Variants in PIWIL3 observed in about 807,000 individuals in gnomAD.
PIWIL3 encodes piwi-like protein 3.
A neutral mutation model predicts 109.7 loss-of-function variants in PIWIL3; 101 were observed. The observed-to-expected ratio is 0.92, with a 90% CI of 0.78 to 1.09. PIWIL3 has a LOEUF of 1.09. Ranked by LOEUF, PIWIL3 falls within the 50% of genes least tolerant of loss-of-function variation. The pLI is 0.00. For missense variants in PIWIL3, 1,031 were observed against 1,072.6 expected (o/e 0.96, Z 0.54); for synonymous variants, 373 against 376.4 (o/e 0.99, Z 0.10).
chr22:24,719,096 A>G lies in PIWIL3; in HGVS notation c.*376T>C, dbSNP rs1005337994. 6.5e-6 allele frequency: 1 copy of G among 154,444 alleles called. No individual in the cohort carries two copies. The highest frequency in any genetic ancestry group is 1.4e-5 in the Non-Finnish European group (1 of 69,592). 9.6% of individuals were successfully genotyped at this position (154,444 alleles called of 1,614,324 possible). A position where few individuals can be genotyped will look rare whatever the true frequency, so the allele number is the denominator to read the frequency against. On this transcript the variant is annotated 3_prime_UTR_variant, in exon 21 of 21. Coordinates refer to ENST00000616349, the MANE Select transcript of PIWIL3 (RefSeq NM_001255975.1). ...TAACAAAAAAAAGTTTCAAAAATAA[A>G]GTAAACGTAGTTTTCCAAGTAGAGT...
chr22:24,747,511 C>A (rs1205095969), intron 12 of PIWIL3, among the ~76,000 whole-genome samples: 2 of 152,114 alleles, frequency 1.3e-5, no homozygotes, highest in Non-Finnish European at 2.9e-5. Flanking sequence ...AGTAGAGCAA[C>A]AACTCACAGA....
At position 24,728,329 on chromosome 22, in the gene PIWIL3, T is replaced by C. The variant is rs1175038149; in HGVS notation, c.1753A>G (p.Ile585Val). Reference sequence around the variant, plus strand: ...CATTTGGTACATAGGTATCTTTTTATGCTGTCATATCTACGTTTGTCATCA... The same window carrying C: ...CATTTGGTACATAGGTATCTTTTTACGCTGTCATATCTACGTTTGTCATCA... The part of the protein sequence containing the change: ...PNDDKRRYDS[I>V]KRYLCTKCPI... Residue 585 changes from isoleucine (I) to valine (V), a missense_variant, in exon 15 of 21, where the codon ATA becomes GTA. Transcript: ENST00000616349. The C allele has an allele frequency of 1.2e-6, 2 of 1,614,212 alleles. No homozygotes were observed. The highest frequency in any genetic ancestry group is 1.7e-6 in the Non-Finnish European group (2 of 1,180,042).
chr22:24,774,117 A>G (rs1368319103), intron 1 of PIWIL3, among the ~76,000 whole-genome samples: 2 of 152,170 alleles, frequency 1.3e-5, no homozygotes, highest in East Asian at 3.8e-4. Context: ...ACCGCATTTT[A>G]AAACTTTTTT....
intron 1 of PIWIL3, among the ~76,000 whole-genome samples, chr22:24,768,669 C>T (rs140397487): frequency 2.1e-3 from 316 of 152,324 alleles, no homozygotes; most frequent in African/African-American, 7.4e-3. Context: ...CAAAGCCTCA[C>T]TGTCCTGCCA....
chr22:24,764,184 G>A (rs1925643048), intron 1 of PIWIL3, among the ~76,000 whole-genome samples: 1 of 152,252 alleles, frequency 6.6e-6, no homozygotes, highest in Non-Finnish European at 1.5e-5. Context: ...TTCTGGCGCC[G>A]CCTCCGTCCG....
intron 12 of PIWIL3, among the ~76,000 whole-genome samples, chr22:24,744,177 TTAAAAAAA>T (rs1208676741): frequency 5.6e-5 from 2 of 35,842 alleles, no homozygotes; most frequent in African/African-American, 1.2e-4. Flanking sequence ...AGTGACCGAA[TTAAAAAAA>T]AAAAAAAAAA....
rs755845034 is a variant in PIWIL3 at position 24,728,320 on chromosome 22, A to G, written c.1762T>C (p.Tyr588His). The change falls in exon 15 of 21, where the codon TAC (tyrosine) becomes CAC (histidine). Residue 588 changes from tyrosine (Y) to histidine (H), a missense_variant. Coordinates refer to ENST00000616349, the MANE Select transcript of PIWIL3 (RefSeq NM_001255975.1). ...DKRRYDSIKRYLCTKCPIPSQ... is the reference protein window; with the variant it reads ...DKRRYDSIKRHLCTKCPIPSQ... ...GGAATTGGGCATTTGGTACATAGGT[A>G]TCTTTTTATGCTGTCATATCTACGT... The G allele has an allele frequency of 1.2e-5, 20 of 1,614,078 alleles. No individual in the cohort carries two copies. Among genetic ancestry groups the G allele is most frequent in the South Asian group, 3.3e-5 (3 of 91,084 alleles).
chr22:24,725,303 A>T, intron 17 of PIWIL3, 142 bp downstream of exon 17: 1 of 1,046,150 alleles, frequency 9.6e-7, no homozygotes, highest in Non-Finnish European at 1.4e-6. Context: ...ACTAGACTCA[A>T]TGCCAGTAGC....
intron 17 of PIWIL3, 74 bp downstream of exon 17, chr22:24,725,371 C>T: frequency 6.4e-7 from 1 of 1,557,020 alleles, no homozygotes; most frequent in African/African-American, 1.4e-5. Flanking sequence ...CAAGTGTCCC[C>T]TGGAGGCAGT....
chr22:24,762,612 G>T, intron 1 of PIWIL3, 91 bp from the exon 2 acceptor site: 1 of 1,095,656 alleles, frequency 9.1e-7, no homozygotes, highest in Non-Finnish European at 1.3e-6. Context: ...CTGAGGCTGG[G>T]TAATTTATAA....
In PIWIL3 at chr22:24,728,197, G is replaced by A; in HGVS notation, c.1885C>T (p.Leu629Phe). The A allele has an allele frequency of 6.2e-7, 1 of 1,614,186 alleles. No homozygotes were observed. The highest frequency in any genetic ancestry group is 1.7e-5 in the Admixed American group (1 of 60,018). The change falls in exon 15 of 21, where the codon CTC (leucine) becomes TTC (phenylalanine). Residue 629 changes from leucine to phenylalanine, a missense_variant. Coordinates refer to ENST00000616349, the MANE Select transcript of PIWIL3 (RefSeq NM_001255975.1). ...QQMNCKMGGA[L>F]WKVETDVQRT... ...CATACGTCTGTCTCCACCTTCCAGAGGGCTCCTCCCATCTTGCAATTCATC... is the reference window on the plus strand; with the variant it reads ...CATACGTCTGTCTCCACCTTCCAGAAGGCTCCTCCCATCTTGCAATTCATC...
chr22:24,732,409 G>A (rs372155611), intron 14 of PIWIL3, among the ~76,000 whole-genome samples: 8 of 152,112 alleles, frequency 5.3e-5, no homozygotes, highest in South Asian at 2.1e-4. Context: ...TATTTAAGGC[G>A]ATACCTTAAG....
intron 1 of PIWIL3, among the ~76,000 whole-genome samples, chr22:24,769,482 G>T (rs1926000059): frequency 6.6e-6 from 1 of 152,054 alleles, no homozygotes; most frequent in Admixed American, 6.6e-5. Flanking sequence ...TGTGGTGGCG[G>T]GCACCTGTAG....
At chr22:24,756,208 A>C (rs1465058652) in intron 5 of PIWIL3, among the ~76,000 whole-genome samples, 1 of 151,398 alleles carries the variant, frequency 6.6e-6, no homozygotes, top group East Asian at 1.9e-4. Context: ...GGGGGGCTGA[A>C]GTTTCAAAGG....
At chr22:24,757,096 A>G (rs1201788509) in intron 4 of PIWIL3, among the ~76,000 whole-genome samples, 2 of 136,060 alleles carry the variant, frequency 1.5e-5, no homozygotes, top group Admixed American at 7.3e-5. Context: ...AAAAAAAAAA[A>G]AAAAAAGAAA....
chr22:24,747,048 T>A (rs187724258), intron 12 of PIWIL3, among the ~76,000 whole-genome samples: 1 of 152,164 alleles, frequency 6.6e-6, no homozygotes, highest in Admixed American at 6.5e-5. Context: ...AGAACAAAAC[T>A]GGAAGAATCA....
chr22:24,735,959 A>G, intron 12 of PIWIL3, 67 bp from the exon 13 acceptor site: 3 of 1,318,148 alleles, frequency 2.3e-6, no homozygotes, highest in Non-Finnish European at 3.1e-6. Context: ...GAGATCCTGT[A>G]CGCTGTAAAT....
intron 16 of PIWIL3, among the ~76,000 whole-genome samples, chr22:24,726,619 TA>T (rs1461175636): frequency 3.3e-5 from 5 of 152,216 alleles, no homozygotes; most frequent in Non-Finnish European, 5.9e-5. Context: ...TGGAAGTTTT[TA>T]TTTGATTGGA....
chr22:24,730,379 A>G (rs909344238), intron 14 of PIWIL3, among the ~76,000 whole-genome samples: 1 of 151,728 alleles, frequency 6.6e-6, no homozygotes, highest in Admixed American at 6.6e-5. Flanking sequence ...AAAAAAAAAA[A>G]AAAAGCATTA....
Sources: gnomAD v4.1 joint callset for allele counts (sites outside exome capture counted in the v4.1 genomes callset) on GRCh38, gnomAD v4.1.1 for gene constraint, MANE v1.5 for transcripts, NCBI Gene and HGNC (gene_info 2026-07-23, HGNC 2026-07-21) for gene names.